The following CARD10 variants were observed in gnomAD, a reference collection of about 807,000 sequenced individuals.
CARD10 encodes the protein caspase recruitment domain family member 10.
Under a neutral mutation model 114.6 loss-of-function variants are expected in CARD10, and 49 were observed. That is an observed-to-expected ratio of 0.43 (90% CI 0.34 to 0.54). CARD10 has a LOEUF of 0.54. CARD10 is among the 20% of genes least tolerant of loss of function. The pLI, the probability that CARD10 is intolerant of heterozygous loss-of-function variation, is 0.03. For synonymous variants in CARD10, 602 were observed against 593.2 expected, an observed-to-expected ratio of 1.01 and a Z score of -0.21; for missense variants, 1,206 against 1,397.2, an observed-to-expected ratio of 0.86 and a Z score of 2.18.
intron 11 of CARD10, among the ~76,000 whole-genome samples, chr22:37,498,407 C>G (rs1425499537): frequency 6.6e-6 from 1 of 152,182 alleles, no homozygotes; most frequent in South Asian, 2.1e-4. Context: ...CCCCAAGTCC[C>G]CTGCCAGACA....
rs189756148 is a variant in CARD10 at position 37,492,326 on chromosome 22, T to G, written c.2751+109A>C. 1 of 821,324 alleles carries G rather than the reference T, an allele frequency of 1.2e-6. No homozygotes were observed. The highest frequency in any genetic ancestry group is 2.9e-5 in the Admixed American group (1 of 34,002). 50.9% of individuals were successfully genotyped at this position (821,324 alleles called of 1,614,324 possible). A position where few individuals can be genotyped will look rare whatever the true frequency, so the allele number is the denominator to read the frequency against. The stretch of plus-strand genomic sequence containing the variant: ...GACTTGGCCAGGGCCGCCCTGCCAG[T>G]GAGCAGCAGAGCATGGCCCGCGCTC... On this transcript the variant is annotated intron_variant, in intron 18 of 19. Coordinates refer to ENST00000251973, the MANE Select transcript of CARD10 (RefSeq NM_014550.4). The surrounding 1 kb of genome is among the most constrained non-coding windows in gnomAD (Gnocchi z 5.7).
Position 37,507,824 on chromosome 22 carries a change from C to T in CARD10, c.1191+5G>A. 1 of 1,614,150 alleles carries T rather than the reference C, an allele frequency of 6.2e-7. No homozygotes were observed. The highest frequency in any genetic ancestry group is 1.1e-5 in the South Asian group (1 of 91,080). ...CAGGGCCTCGTACACGCAGGCTGGG[C>T]TCACCTGGTCTCGCTCCTTCTCAAT... is the stretch of plus-strand genomic sequence containing the variant. On this transcript the variant is annotated splice_donor_5th_base_variant and intron_variant, in intron 6 of 19. Coordinates refer to ENST00000251973, the MANE Select transcript of CARD10 (RefSeq NM_014550.4).
chr22:37,510,590 T>A (rs945906844), intron 3 of CARD10, 169 bp from the exon 4 acceptor site: 1 of 613,796 alleles, frequency 1.6e-6, no homozygotes, highest in Non-Finnish European at 2.8e-6. Context: ...GCTGGACAGA[T>A]ATAAAACAAA....
chr22:37,497,635 A>G (rs12168471), intron 11 of CARD10, among the ~76,000 whole-genome samples: 24,902 of 152,072 alleles, frequency 0.16, 2,301 homozygotes, highest in Middle Eastern at 0.3. Flanking sequence ...AGGCCGAGGC[A>G]GGCGGATCAT....
Position 37,491,238 on chromosome 22 carries a change from C to T in CARD10, c.3020G>A (p.Arg1007His), listed in dbSNP as rs367945431. 11 of 1,565,470 alleles carry T rather than the reference C, an allele frequency of 7.0e-6. No homozygotes were observed. Among genetic ancestry groups the T allele is most frequent in the East Asian group, 2.3e-5 (1 of 42,666 alleles). ...GAGGCGGGCCTGCTCCTGCAGGATG[C>T]GGCCGCGCACCACCTTGGCCAGCTC... is the stretch of plus-strand genomic sequence containing the variant. ...AEELAKVVRG[R>H]ILQEQARLVW... The change falls in exon 20 of 20, where the codon CGC (arginine) becomes CAC (histidine). Residue 1007 changes from arginine (R) to histidine (H), a missense_variant. By Grantham distance (29) the Arg-to-His change is conservative (BLOSUM62 0). Transcript: ENST00000251973.
In CARD10 at chr22:37,516,166, G is replaced by T. The variant is rs1199778470; in HGVS notation, c.506C>A (p.Ala169Glu). The T allele has an allele frequency of 6.3e-7, 1 of 1,593,882 alleles. No individual in the cohort carries two copies. Among genetic ancestry groups the T allele is most frequent in the Non-Finnish European group, 8.5e-7 (1 of 1,170,788 alleles). ...ARGRVLEEER[A>E]GLEQRLRDQQ... The stretch of plus-strand genomic sequence containing the variant: ...GTCCCGCAGCCGCTGCTCCAGCCCT[G>T]CCCGCTCCTCCTCGAGCACCCGGCC... The change falls in exon 3 of 20, where the codon GCA becomes GAA. Residue 169 changes from alanine (A) to glutamate (E), a missense_variant. By Grantham distance (107) the Ala-to-Glu change is moderately radical. Around this residue, in one of 2 missense-constraint regions of CARD10, gnomAD observed 1,068 missense variants for 1,179.1 expected, o/e 0.91. Coordinates refer to ENST00000251973, the MANE Select transcript of CARD10 (RefSeq NM_014550.4).
At chr22:37,515,408 C>T (rs1213154760) in intron 3 of CARD10, among the ~76,000 whole-genome samples, 1 of 151,784 alleles carries the variant, frequency 6.6e-6, no homozygotes, top group Non-Finnish European at 1.5e-5. Flanking sequence ...ACTAAAAATA[C>T]AAAAATTAGC....
At position 37,496,363 on chromosome 22, in the gene CARD10, A is replaced by G. The variant is rs5756701; in HGVS notation, c.2059+86T>C. 124,681 of 951,148 alleles carry G rather than the reference A, an allele frequency of 0.13. 8,966 individuals carry two copies. Among genetic ancestry groups the G allele is most frequent in the East Asian group, 0.27 (10,853 of 40,702 alleles). 58.9% of individuals were successfully genotyped at this position (951,148 alleles called of 1,614,324 possible). A position where few individuals can be genotyped will look rare whatever the true frequency, so the allele number is the denominator to read the frequency against. On this transcript the variant is annotated intron_variant, in intron 13 of 19. Transcript: ENST00000251973. The surrounding 1 kb of genome is among the most constrained non-coding windows in gnomAD (Gnocchi z 4.1). The stretch of plus-strand genomic sequence containing the variant: ...ATTGGGGCAAGGCTGGTCCCTTCTC[A>G]GGTCCTTGGTCCCTCCCCACCCCAT...
intron 3 of CARD10, among the ~76,000 whole-genome samples, chr22:37,511,128 T>C (rs1471700978): frequency 1.4e-5 from 2 of 146,436 alleles, no homozygotes; most frequent in Non-Finnish European, 3.0e-5. Context: ...GCCTAACACT[T>C]TAGAAGGCCG....
At position 37,508,664 on chromosome 22, in the gene CARD10, C is replaced by A; in HGVS notation, c.928G>T (p.Ala310Ser). The A allele has an allele frequency of 1.3e-6, 2 of 1,569,592 alleles. No individual in the cohort carries two copies. Among genetic ancestry groups the A allele is most frequent in the Non-Finnish European group, 1.7e-6 (2 of 1,161,728 alleles). Residue 310 changes from alanine to serine, a missense_variant, in exon 5 of 20, where the codon GCC becomes TCC. Physicochemically the swap from Ala to Ser is moderately conservative, Grantham distance 99. Transcript: ENST00000251973. ...AGCAGGATGCGCTCGGAGCCCGGGG[C>A]CCCCGGCCGGCTCGCCTCCTGGGGA... ...GLQQEASRPG[A>S]PGSERILLDI...
At chr22:37,509,395 C>T (rs1307018672) in intron 4 of CARD10, among the ~76,000 whole-genome samples, 1 of 152,072 alleles carries the variant, frequency 6.6e-6, no homozygotes, top group East Asian at 1.9e-4. Context: ...GGAGGCTGCT[C>T]ACACACCCTA....
chr22:37,512,841 G>A (rs2145774269), intron 3 of CARD10, among the ~76,000 whole-genome samples: 1 of 152,248 alleles, frequency 6.6e-6, no homozygotes, highest in South Asian at 2.1e-4. Flanking sequence ...CAAACTCACT[G>A]AGCACAAAAT....
chr22:37,494,378 C>T (rs985179419), intron 15 of CARD10, 190 bp from the exon 16 acceptor site: 35 of 593,686 alleles, frequency 5.9e-5, no homozygotes, highest in Non-Finnish European at 8.7e-5. Context: ...CCAGCACAGT[C>T]CCCCAGGCAG....
At position 37,500,818 on chromosome 22, in the gene CARD10, G is replaced by C. The variant is rs116913814; in HGVS notation, c.1787+1784C>G. On this transcript the variant is annotated intron_variant, in intron 11 of 19. Transcript: ENST00000251973. ...GCTGCTCTGAGGATTAAACAACAAT[G>C]GCGACAATAATCATAACTAACCGCG... is the stretch of plus-strand genomic sequence containing the variant. 4.4e-4 allele frequency among the ~76,000 whole-genome samples: 67 copies of C among 152,262 alleles called. No homozygotes were observed. In the East Asian group the frequency reaches 0.012, roughly 28 times the overall value.
intron 2 of CARD10, among the ~76,000 whole-genome samples, chr22:37,516,602 G>C (rs1167705062): frequency 6.6e-6 from 1 of 152,166 alleles, no homozygotes; most frequent in African/African-American, 2.4e-5. Flanking sequence ...AATATATAAA[G>C]AGCTCCTACA....
chr22:37,504,414 G>A (rs778018934), intron 8 of CARD10, 113 bp from the exon 9 acceptor site: 320 of 1,058,286 alleles, frequency 3.0e-4, no homozygotes, highest in Non-Finnish European at 3.9e-4. Flanking sequence ...CAGAGCAGAA[G>A]AGCGGGCTCT....
At chr22:37,493,955 C>T in intron 16 of CARD10, 131 bp downstream of exon 16, 2 of 729,324 alleles carry the variant, frequency 2.7e-6, no homozygotes, top group East Asian at 2.7e-5. Context: ...GCATGACCCC[C>T]ACTCCTGTTG....
rs562739778 is a variant in CARD10, at chr22:37,497,165, G to A, written c.1801C>T (p.Arg601Trp). The A allele has an allele frequency of 3.3e-5, 53 of 1,613,334 alleles. No homozygotes were observed. The highest frequency in any genetic ancestry group is 2.7e-4 in the South Asian group (25 of 91,022). Residue 601 changes from arginine (R) to tryptophan (W), a missense_variant, in exon 12 of 20, where the codon CGG (arginine) becomes TGG (tryptophan). Coordinates refer to ENST00000251973, the MANE Select transcript of CARD10 (RefSeq NM_014550.4). ...LDFLNRSLAI[R>W]VSGRSPPGGP... ...CCTGGGGGGCTCCGGCCAGACACCC[G>A]AATAGCCAGAGACCTGAGAAGGGAG...
At chr22:37,509,074 A>G in intron 4 of CARD10, 1 of 1,549,054 alleles carries the variant, frequency 6.5e-7, no homozygotes, top group Non-Finnish European at 8.7e-7. Flanking sequence ...GGGGTCTTCA[A>G]GGGGCTGAGC....
Sources: gnomAD v4.1 joint callset for allele counts (sites outside exome capture counted in the v4.1 genomes callset) on GRCh38, gnomAD v4.1.1 for gene constraint, gnomAD v4.1.1 regional missense constraint, Gnocchi (gnomAD v3.1) non-coding constraint, MANE v1.5 for transcripts, NCBI Gene and HGNC (gene_info 2026-07-23, HGNC 2026-07-21) for gene names.